The following AMOTL1 variants were observed in gnomAD, a reference collection of about 807,000 sequenced individuals.
AMOTL1 encodes the protein angiomotin like 1.
AMOTL1 carries 45 observed loss-of-function variants against 102.9 expected under a neutral mutation model. The ratio of observed to expected loss-of-function variants is 0.44; its 90% CI spans 0.34 to 0.56. AMOTL1 has a LOEUF of 0.56. AMOTL1 is among the 20% of genes least tolerant of loss of function. AMOTL1 has a pLI of 0.01. For missense variants in AMOTL1, 1,114 were observed against 1,225.6 expected, an observed-to-expected ratio of 0.91 and a Z score of 1.36; for synonymous variants, 481 against 484.7, an observed-to-expected ratio of 0.99 and a Z score of 0.10.
chr11:94,708,630 G>A (rs1471462918), intron 1 of AMOTL1, among the ~76,000 whole-genome samples: 1 of 152,066 alleles, frequency 6.6e-6, no homozygotes. Flanking sequence ...CACTTTTAAG[G>A]GTTATAATCT....
intron 3 of AMOTL1, among the ~76,000 whole-genome samples, chr11:94,756,084 T>C (rs1175250021): frequency 6.6e-6 from 1 of 151,198 alleles, no homozygotes; most frequent in Non-Finnish European, 1.5e-5. Context: ...GCAGCCAGAC[T>C]CTCCTCTGAC....
chr11:94,706,959 C>T (rs1949938206), intron 1 of AMOTL1, among the ~76,000 whole-genome samples: 1 of 152,134 alleles, frequency 6.6e-6, no homozygotes, highest in African/African-American at 2.4e-5. Flanking sequence ...ATTGGGTAGA[C>T]TCTTAGAGAG....
intron 1 of AMOTL1, among the ~76,000 whole-genome samples, chr11:94,719,301 C>T (rs1232736436): frequency 6.6e-6 from 1 of 151,954 alleles, no homozygotes; most frequent in African/African-American, 2.4e-5. Flanking sequence ...AAAAGAAGTA[C>T]TCAAACCCCG....
At chr11:94,808,416 A>T (rs1951604150) in intron 3 of AMOTL1, among the ~76,000 whole-genome samples, 1 of 152,110 alleles carries the variant, frequency 6.6e-6, no homozygotes, top group African/African-American at 2.4e-5. Flanking sequence ...ACTTCACTAC[A>T]TCCTTTTTCT....
chr11:94,781,164 A>G (rs772913577), intron 1 of AMOTL1, among the ~76,000 whole-genome samples: 1 of 151,006 alleles, frequency 6.6e-6, no homozygotes, highest in African/African-American at 2.4e-5. Context: ...ATTCCCCTTC[A>G]TAAGAATTCC....
intron 2 of AMOTL1, among the ~76,000 whole-genome samples, chr11:94,736,361 C>A (rs775301805): frequency 1.8e-4 from 27 of 152,234 alleles, no homozygotes; most frequent in Non-Finnish European, 2.9e-4. Flanking sequence ...AAGCGATTCT[C>A]CTGCTTCAGC....
chr11:94,745,660 A>T (rs1950581962), intron 3 of AMOTL1, among the ~76,000 whole-genome samples: 1 of 152,188 alleles, frequency 6.6e-6, no homozygotes, highest in Admixed American at 6.5e-5. Context: ...TATTTAATCA[A>T]CTCAACTGGG....
intron 3 of AMOTL1, among the ~76,000 whole-genome samples, chr11:94,750,967 C>G (rs1950646511): frequency 6.6e-6 from 1 of 152,080 alleles, no homozygotes; most frequent in African/African-American, 2.4e-5. Flanking sequence ...AACAGAGGCT[C>G]AGAGAGGTTA....
Position 94,872,346 on chromosome 11 carries a change from C to T in AMOTL1, c.*1551C>T, listed in dbSNP as rs1024676212. On this transcript the variant is annotated 3_prime_UTR_variant, in exon 13 of 13. Coordinates refer to ENST00000433060, the MANE Select transcript of AMOTL1 (RefSeq NM_130847.3). ...TTTTGTACCTCCAGGTCAGCTGGAT[C>T]GCTGTTTTCCCAGTTCCCTTTGCTC... is the stretch of plus-strand genomic sequence containing the variant. 2 of 152,190 alleles carry T rather than the reference C, an allele frequency of 1.3e-5. No individual in the cohort carries two copies. Among genetic ancestry groups the T allele is most frequent in the Non-Finnish European group, 2.9e-5 (2 of 68,070 alleles). The allele number at this position is 152,190 out of a possible 1,614,324, so 9.4% of individuals were successfully genotyped here. A position where few individuals can be genotyped will look rare whatever the true frequency, so the allele number is the denominator to read the frequency against.
intron 2 of AMOTL1, among the ~76,000 whole-genome samples, chr11:94,736,623 T>G (rs1369703221): frequency 1.3e-5 from 2 of 152,214 alleles, no homozygotes; most frequent in African/African-American, 4.8e-5. Context: ...CCTTACCTAT[T>G]TCGCTGCTCC....
intron 3 of AMOTL1, among the ~76,000 whole-genome samples, chr11:94,744,986 T>A (rs1950573637): frequency 6.6e-6 from 1 of 152,248 alleles, no homozygotes; most frequent in Non-Finnish European, 1.5e-5. Context: ...AGTGTTGATT[T>A]GTTGAAATTT....
At chr11:94,720,340 G>T (rs1395774532) in intron 1 of AMOTL1, among the ~76,000 whole-genome samples, 3 of 152,096 alleles carry the variant, frequency 2.0e-5, no homozygotes, top group African/African-American at 7.2e-5. Flanking sequence ...TGGAAAACCA[G>T]AAACAGCGAA....
At chr11:94,731,510 T>C (rs1950351544) in intron 2 of AMOTL1, among the ~76,000 whole-genome samples, 2 of 152,190 alleles carry the variant, frequency 1.3e-5, no homozygotes, top group Admixed American at 6.5e-5. Flanking sequence ...AGGATGAGGA[T>C]ACTGGCACTC....
chr11:94,835,073 C>G (rs1952149680), intron 6 of AMOTL1, among the ~76,000 whole-genome samples: 1 of 152,148 alleles, frequency 6.6e-6, no homozygotes, highest in South Asian at 2.1e-4. Flanking sequence ...GCTTGATGCC[C>G]TTGAGGAATT....
chr11:94,807,445 T>C (rs979714976), intron 3 of AMOTL1, among the ~76,000 whole-genome samples: 5 of 152,188 alleles, frequency 3.3e-5, no homozygotes, highest in African/African-American at 1.2e-4. Flanking sequence ...CCATGTTTTC[T>C]AATTTTTCTA....
At chr11:94,796,444 C>G (rs1386786755) in intron 2 of AMOTL1, among the ~76,000 whole-genome samples, 1 of 152,170 alleles carries the variant, frequency 6.6e-6, no homozygotes, top group African/African-American at 2.4e-5. Context: ...AAACAGAACT[C>G]TCTGCTCCCG....
intron 4 of AMOTL1, among the ~76,000 whole-genome samples, chr11:94,823,467 C>A (rs1194870072): frequency 6.6e-6 from 1 of 152,122 alleles, no homozygotes; most frequent in Non-Finnish European, 1.5e-5. Flanking sequence ...TTGCCTCTGT[C>A]ATTTTTGGGC....
At chr11:94,751,762 C>G (rs1450181277) in intron 3 of AMOTL1, among the ~76,000 whole-genome samples, 1 of 148,956 alleles carries the variant, frequency 6.7e-6, no homozygotes, top group East Asian at 2.0e-4. Context: ...TATATATGCT[C>G]ACATGCATTC....
At chr11:94,839,321 C>T (rs1446562960) in intron 6 of AMOTL1, among the ~76,000 whole-genome samples, 1 of 152,258 alleles carries the variant, frequency 6.6e-6, no homozygotes, top group Non-Finnish European at 1.5e-5. Context: ...GAGCCAAGCA[C>T]TCTGCTAGCC....
Sources: allele counts gnomAD v4.1 joint callset (sites outside exome capture counted in the v4.1 genomes callset), GRCh38; gene constraint gnomAD v4.1.1; transcripts MANE v1.5; gene names NCBI Gene and HGNC (gene_info 2026-07-23, HGNC 2026-07-21).